CSNK1A1: variants seen among roughly 807,000 people sequenced by gnomAD.
CSNK1A1 encodes casein kinase 1 alpha 1.
A neutral mutation model predicts 46.1 loss-of-function variants in CSNK1A1; 7 were observed. The observed-to-expected ratio is 0.15, with a 90% CI of 0.09 to 0.29. CSNK1A1 has a LOEUF of 0.29. Among genes scored for constraint, CSNK1A1 ranks in the 10% least tolerant of loss-of-function variants. The pLI, the probability that CSNK1A1 is intolerant of heterozygous loss-of-function variation, is 1.00. For missense variants in CSNK1A1, 96 were observed against 417.1 expected (o/e 0.23, Z 6.71); for synonymous variants, 137 against 141.5 (o/e 0.97, Z 0.23).
At chr5:149,534,012 G>C (rs1254513997) in intron 2 of CSNK1A1, among the ~76,000 whole-genome samples, 1 of 152,168 alleles carries the variant, frequency 6.6e-6, no homozygotes, top group East Asian at 1.9e-4. Context: ...TTATGGTAAT[G>C]GTTGTACAAC....
At chr5:149,540,259 C>T (rs1762186844) in intron 2 of CSNK1A1, among the ~76,000 whole-genome samples, 1 of 152,056 alleles carries the variant, frequency 6.6e-6, no homozygotes, top group Non-Finnish European at 1.5e-5. Context: ...ACAGGCAGAA[C>T]CCTGACTCAT....
chr5:149,548,118 G>C lies in CSNK1A1; in HGVS notation c.230+1957C>G, dbSNP rs562412239. Among the ~76,000 whole-genome samples the C allele has an allele frequency of 4.3e-4, 65 of 152,198 alleles. 2 individuals carry two copies. The South Asian group carries it at 6.8e-3, about 16-fold the overall frequency. ...ACTCCTGACTTAAAGTAACCTGCCT[G>C]CCTTGGCCTCCCAAAGTGCTTGGAT... On this transcript the variant is annotated intron_variant, in intron 2 of 9. Transcript: ENST00000377843.
chr5:149,521,845 T>C (rs1168820269), intron 3 of CSNK1A1, among the ~76,000 whole-genome samples: 1 of 151,976 alleles, frequency 6.6e-6, no homozygotes, highest in East Asian at 1.9e-4. Flanking sequence ...TGGCCTAAAA[T>C]GATCCACCTG....
At chr5:149,501,728 C>G (rs1760862888) in intron 9 of CSNK1A1, 4 of 985,272 alleles carry the variant, frequency 4.1e-6, no homozygotes, top group Non-Finnish European at 4.8e-6. Flanking sequence ...AATTCTCCCC[C>G]ACCTCTGCCT....
intron 9 of CSNK1A1, chr5:149,498,780 A>G: frequency 1.0e-6 from 1 of 984,874 alleles, no homozygotes; most frequent in Non-Finnish European, 1.2e-6. Context: ...TGGCTTTCAA[A>G]GGGAAAACCA....
At chr5:149,549,262 C>A in intron 2 of CSNK1A1, 1 of 518,992 alleles carries the variant, frequency 1.9e-6, no homozygotes, top group Non-Finnish European at 3.5e-6. Flanking sequence ...GCTCAAACTG[C>A]CTTTGCCACT....
chr5:149,531,743 G>T (rs1761907304), intron 2 of CSNK1A1, among the ~76,000 whole-genome samples: 2 of 150,066 alleles, frequency 1.3e-5, no homozygotes, highest in South Asian at 4.2e-4. Context: ...TGGTGGTGGG[G>T]ACCTGTAATC....
intron 7 of CSNK1A1, among the ~76,000 whole-genome samples, chr5:149,508,482 C>G (rs899802079): frequency 6.6e-6 from 1 of 152,150 alleles, no homozygotes; most frequent in Admixed American, 6.5e-5. Flanking sequence ...GTATACAATT[C>G]TTTCTTGTCT....
rs1439430914 is a variant in CSNK1A1, at chr5:149,494,182, CATTT to C, written c.*2667_*2670del. 1 of 152,140 alleles carries C rather than the reference CATTT, an allele frequency of 6.6e-6. No individual in the cohort carries two copies. The highest frequency in any genetic ancestry group is 1.5e-5 in the Non-Finnish European group (1 of 68,036). The allele number at this position is 152,140 out of a possible 1,614,324, so 9.4% of individuals were successfully genotyped here. A position where few individuals can be genotyped will look rare whatever the true frequency, so the allele number is the denominator to read the frequency against. ...CTATTACAGTATGCTCAGCTTAAAA[CATTT>C]ATGAGTACTGCAAGGACTAACAGAA... On this transcript the variant is annotated 3_prime_UTR_variant, in exon 10 of 10. Transcript: ENST00000377843.
At chr5:149,510,560 C>T (rs973744438) in intron 6 of CSNK1A1, among the ~76,000 whole-genome samples, 1 of 152,122 alleles carries the variant, frequency 6.6e-6, no homozygotes, top group Non-Finnish European at 1.5e-5. Context: ...TCGCTGTAGC[C>T]TCGAACTCCT....
rs756000845 is a variant in CSNK1A1, at chr5:149,509,962, A to T, written c.676-9T>A. ...TGTTTCTTTGTTGCAGCCTGTGGAA[A>T]AGAATAAAATAAAAAAGATATACTC... On this transcript the variant is annotated splice_polypyrimidine_tract_variant and intron_variant, in intron 6 of 9. Transcript: ENST00000377843. 13 of 1,575,574 alleles carry T rather than the reference A, an allele frequency of 8.3e-6. No individual in the cohort carries two copies. Among genetic ancestry groups the T allele is most frequent in the Non-Finnish European group, 1.0e-5 (12 of 1,152,450 alleles).
chr5:149,543,466 T>C (rs1377661685), intron 2 of CSNK1A1, among the ~76,000 whole-genome samples: 2 of 151,974 alleles, frequency 1.3e-5, no homozygotes, highest in African/African-American at 4.8e-5. Flanking sequence ...TTTCTCGTGA[T>C]CTGTGACGTA....
intron 2 of CSNK1A1, chr5:149,545,596 T>C (rs1172907807): frequency 1.2e-6 from 1 of 825,382 alleles, no homozygotes; most frequent in Non-Finnish European, 2.0e-6. Context: ...CTTTGGGATC[T>C]TGGGCTTAAC....
At chr5:149,506,980 A>T (rs374430739) in intron 8 of CSNK1A1, 47 bp downstream of exon 8, 9 of 1,436,478 alleles carry the variant, frequency 6.3e-6, no homozygotes, top group Middle Eastern at 1.8e-4. Flanking sequence ...AAATTTAACC[A>T]ATTTCCCTCA....
chr5:149,505,583 A>G lies in CSNK1A1; in HGVS notation c.870T>C (p.His290=), dbSNP rs1203631921. Residue 290 remains histidine (H), a synonymous_variant, in exon 9 of 10, where the codon CAT becomes CAC. Transcript: ENST00000377843. ...LFRILFRTLN[H]QYDYTFDWTM... ...TCCAATCAAATGTGTAGTCATATTGATGGTTCAGGGTCCTGGAACACATAA... is the reference window on the plus strand; with the variant it reads ...TCCAATCAAATGTGTAGTCATATTGGTGGTTCAGGGTCCTGGAACACATAA... 1 of 1,613,876 alleles carries G rather than the reference A, an allele frequency of 6.2e-7. No individual in the cohort carries two copies. Among genetic ancestry groups the G allele is most frequent in the Non-Finnish European group, 8.5e-7 (1 of 1,179,952 alleles).
intron 9 of CSNK1A1, chr5:149,503,334 GCA>G (rs1760929952): frequency 1.0e-6 from 1 of 985,256 alleles, no homozygotes; most frequent in African/African-American, 1.7e-5. Context: ...TTTGTCTTGA[GCA>G]CAAAGTTTTG....
chr5:149,521,860 G>A (rs1422739709), intron 3 of CSNK1A1, among the ~76,000 whole-genome samples: 6 of 151,808 alleles, frequency 4.0e-5, no homozygotes, highest in African/African-American at 1.5e-4. Context: ...CACCTGCCTC[G>A]GCCTCCCAAA....
intron 2 of CSNK1A1, among the ~76,000 whole-genome samples, chr5:149,531,727 C>T (rs548738144): frequency 2.0e-5 from 3 of 149,850 alleles, no homozygotes; most frequent in Non-Finnish European, 3.0e-5. Context: ...AAAAATTAGC[C>T]GCACATGGTG....
intron 2 of CSNK1A1, among the ~76,000 whole-genome samples, chr5:149,548,530 G>A (rs1762551311): frequency 6.7e-6 from 1 of 149,642 alleles, no homozygotes; most frequent in South Asian, 2.1e-4. Flanking sequence ...TTGCGCCACT[G>A]CACTCTAGCC....
Sources: allele counts gnomAD v4.1 joint callset (sites outside exome capture counted in the v4.1 genomes callset), GRCh38; gene constraint gnomAD v4.1.1; transcripts MANE v1.5; gene names NCBI Gene and HGNC (gene_info 2026-07-23, HGNC 2026-07-21).